Variants in LRP1B observed in about 807,000 individuals in gnomAD.
The protein encoded by LRP1B is low-density lipoprotein receptor-related protein 1B.
In LRP1B, 217 loss-of-function variants were observed where a neutral mutation model predicts 556.6. That is an observed-to-expected ratio of 0.39 (90% CI 0.35 to 0.44). The LOEUF (loss-of-function observed/expected upper bound fraction) is 0.44, where lower values mean the gene tolerates loss of function less well. Among genes scored for constraint, LRP1B ranks in the 20% least tolerant of loss-of-function variants. LRP1B has a pLI of 1.00. For synonymous variants in LRP1B, 2,047 were observed against 1,865.8 expected, an observed-to-expected ratio of 1.10 and a Z score of -2.50; for missense variants, 5,053 against 5,620.8, an observed-to-expected ratio of 0.90 and a Z score of 3.23.
At chr2:141,357,181 G>A (rs1178613516) in intron 3 of LRP1B, among the ~76,000 whole-genome samples, 7 of 151,864 alleles carry the variant, frequency 4.6e-5, no homozygotes, top group South Asian at 4.2e-4. Context: ...TCAGCCTCCC[G>A]AGTAGCTGGG....
chr2:141,762,446 A>C (rs1694591771), intron 2 of LRP1B, among the ~76,000 whole-genome samples: 2 of 152,168 alleles, frequency 1.3e-5, no homozygotes, highest in Admixed American at 6.5e-5. Context: ...GATGCTTTAC[A>C]TAGCATATTT....
chr2:141,801,342 G>T (rs753072850), intron 2 of LRP1B, among the ~76,000 whole-genome samples: 2 of 152,044 alleles, frequency 1.3e-5, no homozygotes, highest in Non-Finnish European at 2.9e-5. Context: ...AGGCTGGAGG[G>T]CAGTGGCTCA....
chr2:141,260,550 T>C (rs1323069885), intron 3 of LRP1B, among the ~76,000 whole-genome samples: 1 of 152,172 alleles, frequency 6.6e-6, no homozygotes, highest in Admixed American at 6.5e-5. Flanking sequence ...TTTTTCCTCA[T>C]TAGTTTTGTT....
At chr2:141,366,816 T>C (rs1030075209) in intron 3 of LRP1B, among the ~76,000 whole-genome samples, 1 of 152,246 alleles carries the variant, frequency 6.6e-6, no homozygotes, top group African/African-American at 2.4e-5. Flanking sequence ...CCTAGTTCAC[T>C]AGGTGAAAAC....
rs1683376360 is a variant in LRP1B, at chr2:141,229,428, C to G, written c.605G>C (p.Arg202Thr). ...ATTTGCAATTAATAGTATAGGTGGT[C>G]TATCTGTAGGTTCTGGAATAAAATA... ...SCKAKIEPTD[R>T]PPILLIANFE... Residue 202 changes from arginine (R) to threonine (T), a missense_variant, in exon 6 of 91, where the codon AGA becomes ACA. Coordinates refer to ENST00000389484, the MANE Select transcript of LRP1B (RefSeq NM_018557.3). The G allele has an allele frequency of 6.4e-7, 1 of 1,572,158 alleles. No homozygotes were observed. The highest frequency in any genetic ancestry group is 8.7e-7 in the Non-Finnish European group (1 of 1,145,598).
At chr2:140,449,898 G>A (rs914029652) in intron 63 of LRP1B, among the ~76,000 whole-genome samples, 1 of 152,134 alleles carries the variant, frequency 6.6e-6, no homozygotes, top group Non-Finnish European at 1.5e-5. Flanking sequence ...TGAAGTATTG[G>A]AGTGACCTAT....
chr2:140,753,997 G>A (rs778952493), intron 35 of LRP1B, among the ~76,000 whole-genome samples: 4 of 152,122 alleles, frequency 2.6e-5, no homozygotes, highest in Admixed American at 2.0e-4. Flanking sequence ...TAGCACAGAA[G>A]TTCTATGCCA....
At chr2:141,130,913 C>T (rs1420602294) in intron 7 of LRP1B, among the ~76,000 whole-genome samples, 4 of 152,086 alleles carry the variant, frequency 2.6e-5, no homozygotes, top group African/African-American at 9.7e-5. Context: ...TCTCAGCAAA[C>T]TAACACAGGA....
intron 43 of LRP1B, among the ~76,000 whole-genome samples, chr2:140,585,224 G>A (rs1412782614): frequency 6.6e-6 from 1 of 151,980 alleles, no homozygotes; most frequent in Non-Finnish European, 1.5e-5. Context: ...GGATTTACAA[G>A]AATTAACGTT....
intron 7 of LRP1B, among the ~76,000 whole-genome samples, chr2:141,140,907 A>G (rs1027774574): frequency 6.6e-6 from 1 of 152,110 alleles, no homozygotes; most frequent in Non-Finnish European, 1.5e-5. Context: ...AATTTAATAC[A>G]GGATTCAAAG....
At chr2:141,087,328 T>C (rs1700071644) in intron 7 of LRP1B, among the ~76,000 whole-genome samples, 1 of 152,188 alleles carries the variant, frequency 6.6e-6, no homozygotes, top group African/African-American at 2.4e-5. Flanking sequence ...AGGGAATACA[T>C]GGCGGTCCTA....
chr2:141,858,682 C>G (rs969115549), intron 1 of LRP1B, among the ~76,000 whole-genome samples: 1 of 152,062 alleles, frequency 6.6e-6, no homozygotes, highest in South Asian at 2.1e-4. Context: ...ACTAAATACA[C>G]AATGATTTGC....
chr2:141,075,551 C>T (rs1462997470), intron 7 of LRP1B, among the ~76,000 whole-genome samples: 1 of 152,008 alleles, frequency 6.6e-6, no homozygotes, highest in Non-Finnish European at 1.5e-5. Flanking sequence ...AGCTCATGCT[C>T]AATATACGTG....
intron 1 of LRP1B, among the ~76,000 whole-genome samples, chr2:142,038,221 C>T (rs910078707): frequency 2.0e-5 from 3 of 151,536 alleles, no homozygotes; most frequent in Non-Finnish European, 3.0e-5. Context: ...CTTCTAAGCA[C>T]GTTCAGGTTG....
chr2:140,480,595 C>G (rs2105355206), intron 59 of LRP1B, among the ~76,000 whole-genome samples: 1 of 151,992 alleles, frequency 6.6e-6, no homozygotes, highest in South Asian at 2.1e-4. Context: ...CCCGTGCCAC[C>G]AAGCCCGGCT....
At chr2:140,595,360 C>G (rs1574121605) in intron 43 of LRP1B, among the ~76,000 whole-genome samples, 1 of 151,740 alleles carries the variant, frequency 6.6e-6, no homozygotes, top group East Asian at 1.9e-4. Context: ...TAGGTACAAG[C>G]ACACTAAATG....
intron 71 of LRP1B, among the ~76,000 whole-genome samples, chr2:140,368,271 T>A (rs1284350494): frequency 6.6e-6 from 1 of 151,856 alleles, no homozygotes; most frequent in Non-Finnish European, 1.5e-5. Flanking sequence ...TATATATGAA[T>A]TAACAATAAT....
At chr2:141,496,215 G>C (rs979538280) in intron 2 of LRP1B, among the ~76,000 whole-genome samples, 2 of 151,472 alleles carry the variant, frequency 1.3e-5, no homozygotes, top group African/African-American at 4.8e-5. Context: ...TCCTGAATTT[G>C]TATGTATGTG....
At chr2:141,392,609 G>T (rs1429668019) in intron 3 of LRP1B, among the ~76,000 whole-genome samples, 1 of 152,102 alleles carries the variant, frequency 6.6e-6, no homozygotes, top group South Asian at 2.1e-4. Flanking sequence ...TGTAGAATCT[G>T]CTGGAAGCCA....
Sources: allele counts gnomAD v4.1 joint callset (sites outside exome capture counted in the v4.1 genomes callset), GRCh38; gene constraint gnomAD v4.1.1; transcripts MANE v1.5; gene names NCBI Gene and HGNC (gene_info 2026-07-23, HGNC 2026-07-21).